DAB1: variants seen among roughly 807,000 people sequenced by gnomAD.
DAB1 encodes disabled homolog 1.
In DAB1, 15 loss-of-function variants were observed where a neutral mutation model predicts 64.6. The observed-to-expected ratio is 0.23, with a 90% CI of 0.16 to 0.36. DAB1 has a LOEUF of 0.36. Ranked by LOEUF, DAB1 falls within the 10% of genes least tolerant of loss-of-function variation. The probability of loss-of-function intolerance (pLI) is 1.00; values close to 1 mark genes in which losing one functional copy is unlikely to be tolerated. For synonymous variants in DAB1, 235 were observed against 251.9 expected (o/e 0.93, Z 0.64); for missense variants, 596 against 706.7 (o/e 0.84, Z 1.78).
At chr1:57,508,433 C>A (rs915613891) in intron 7 of DAB1, among the ~76,000 whole-genome samples, 3 of 152,214 alleles carry the variant, frequency 2.0e-5, no homozygotes, top group African/African-American at 7.2e-5. Flanking sequence ...TTCAAGGAAG[C>A]AGTTTGATCA....
chr1:58,102,190 G>T (rs531122614), intron 5 of DAB1, among the ~76,000 whole-genome samples: 1 of 152,310 alleles, frequency 6.6e-6, no homozygotes, highest in South Asian at 2.1e-4. Context: ...TAGTTATTGG[G>T]CTCCAAGGCC....
chr1:57,832,915 A>G (rs960704430), intron 1 of DAB1, among the ~76,000 whole-genome samples: 5 of 152,126 alleles, frequency 3.3e-5, no homozygotes, highest in African/African-American at 1.2e-4. Flanking sequence ...AGGGATGAAG[A>G]GCTGTGAAGA....
chr1:57,101,815 C>T (rs1654708932), intron 4 of DAB1, among the ~76,000 whole-genome samples: 1 of 152,176 alleles, frequency 6.6e-6, no homozygotes, highest in Non-Finnish European at 1.5e-5. Flanking sequence ...TACTTGATCT[C>T]AACAGTTCTA....
intron 3 of DAB1, among the ~76,000 whole-genome samples, chr1:58,453,946 C>G (rs1449749598): frequency 6.6e-6 from 1 of 152,096 alleles, no homozygotes. Context: ...CTCTCCCTCA[C>G]ACCTGCTTTC....
At chr1:58,004,387 A>T (rs1156567384) in intron 5 of DAB1, among the ~76,000 whole-genome samples, 1 of 152,160 alleles carries the variant, frequency 6.6e-6, no homozygotes, top group Non-Finnish European at 1.5e-5. Context: ...GCCACCTGCC[A>T]TTTGAAGCAC....
chr1:57,744,202 C>G (rs143989588), intron 6 of DAB1, among the ~76,000 whole-genome samples: 1 of 152,274 alleles, frequency 6.6e-6, no homozygotes, highest in African/African-American at 2.4e-5. Flanking sequence ...TGGGCAACTT[C>G]GGAAGGCTGT....
At chr1:57,551,969 T>C (rs1224555612) in intron 7 of DAB1, among the ~76,000 whole-genome samples, 1 of 152,138 alleles carries the variant, frequency 6.6e-6, no homozygotes, top group African/African-American at 2.4e-5. Context: ...ATTCACACTT[T>C]CAAACCAAGA....
At chr1:57,689,055 T>C (rs922310998) in intron 6 of DAB1, among the ~76,000 whole-genome samples, 1 of 152,198 alleles carries the variant, frequency 6.6e-6, no homozygotes, top group Non-Finnish European at 1.5e-5. Context: ...GTACCCATTG[T>C]ATCTAAAATA....
chr1:58,530,798 T>C, intron 1 of DAB1: 2 of 794,694 alleles, frequency 2.5e-6, no homozygotes, highest in South Asian at 1.5e-5. Flanking sequence ...CATTTTCTAG[T>C]TCATCATGTG....
chr1:58,507,252 A>G (rs1646003478), intron 2 of DAB1, among the ~76,000 whole-genome samples: 1 of 151,850 alleles, frequency 6.6e-6, no homozygotes, highest in African/African-American at 2.4e-5. Flanking sequence ...ATATTTCCCA[A>G]TGATTTTATT....
chr1:57,526,218 G>A (rs1280944370), intron 7 of DAB1, among the ~76,000 whole-genome samples: 1 of 152,166 alleles, frequency 6.6e-6, no homozygotes, highest in African/African-American at 2.4e-5. Context: ...TTACAGGCGT[G>A]AGCCACTGCG....
At chr1:57,414,164 A>C (rs1684323674) in intron 1 of DAB1, among the ~76,000 whole-genome samples, 1 of 152,232 alleles carries the variant, frequency 6.6e-6, no homozygotes, top group East Asian at 1.9e-4. Context: ...AATTTTGAAA[A>C]AAGTTCTGCT....
chr1:57,497,025 C>T (rs1644238764), intron 7 of DAB1, among the ~76,000 whole-genome samples: 1 of 152,152 alleles, frequency 6.6e-6, no homozygotes, highest in Non-Finnish European at 1.5e-5. Flanking sequence ...GCTCATTTCC[C>T]TATGTACTTG....
chr1:58,536,729 T>C, intron 1 of DAB1: 1 of 872,536 alleles, frequency 1.1e-6, no homozygotes, highest in Non-Finnish European at 2.0e-6. Context: ...CCTGCCACCA[T>C]TTCCTTATGC....
rs1671967704 is a variant in DAB1 at position 57,282,204 on chromosome 1, A to AAC, written c.67+8759_67+8760insGT. Among the ~76,000 whole-genome samples, 16 of 99,184 alleles carry AAC rather than the reference A, an allele frequency of 1.6e-4. 1 individual carries two copies. The South Asian group carries it at 5.2e-3, about 32-fold the overall frequency. 65.1% of individuals were successfully genotyped at this position (99,184 alleles called of 152,430 possible). A position where few individuals can be genotyped will look rare whatever the true frequency, so the allele number is the denominator to read the frequency against. ...TCTCAAAAAAAAAAAAAAAAAAAAA[A>AAC]AAAAAAAACAGGTGACTGAGTTTTG... On this transcript the variant is annotated intron_variant, in intron 2 of 14. Coordinates refer to ENST00000371236, the MANE Select transcript of DAB1 (RefSeq NM_001365792.1).
intron 5 of DAB1, among the ~76,000 whole-genome samples, chr1:58,004,610 G>C (rs944583446): frequency 2.6e-5 from 4 of 152,198 alleles, no homozygotes; most frequent in Admixed American, 1.3e-4. Context: ...CTGAGCCTCA[G>C]TTTCTCCATC....
intron 7 of DAB1, among the ~76,000 whole-genome samples, chr1:57,566,982 A>G (rs1325881374): frequency 6.6e-6 from 1 of 152,188 alleles, no homozygotes; most frequent in Non-Finnish European, 1.5e-5. Flanking sequence ...AAAAAAGAGA[A>G]TTTTAGACCA....
intron 6 of DAB1, among the ~76,000 whole-genome samples, chr1:57,738,203 G>A (rs3118035): frequency 0.079 from 12,006 of 152,218 alleles, 1,361 homozygotes; most frequent in African/African-American, 0.25. Flanking sequence ...TTCTTAGGTA[G>A]AAAACAGAGA....
chr1:57,022,231 A>G (rs1331807757), intron 11 of DAB1, among the ~76,000 whole-genome samples: 2 of 152,158 alleles, frequency 1.3e-5, no homozygotes, highest in Non-Finnish European at 1.5e-5. Flanking sequence ...AGATAAAACA[A>G]TGAGGACAAA....
Sources: gnomAD v4.1 joint callset for allele counts (sites outside exome capture counted in the v4.1 genomes callset) on GRCh38, gnomAD v4.1.1 for gene constraint, MANE v1.5 for transcripts, NCBI Gene and HGNC (gene_info 2026-07-23, HGNC 2026-07-21) for gene names.